The following CEMIP2 variants were observed in gnomAD, a reference collection of about 807,000 sequenced individuals.
The protein encoded by CEMIP2 is cell surface hyaluronidase CEMIP2.
In CEMIP2, 79 loss-of-function variants were observed where a neutral mutation model predicts 146.9. That is an observed-to-expected ratio of 0.54 (90% CI 0.45 to 0.65). The LOEUF (loss-of-function observed/expected upper bound fraction) is 0.65. Ranked by LOEUF, CEMIP2 falls within the 30% of genes least tolerant of loss-of-function variation. The pLI, the probability that CEMIP2 is intolerant of heterozygous loss-of-function variation, is 0.00. For missense variants in CEMIP2, 1,596 were observed against 1,696.2 expected (o/e 0.94, Z 1.04); for synonymous variants, 601 against 606.3 (o/e 0.99, Z 0.13).
Position 71,756,508 on chromosome 9 carries a change from A to T in CEMIP2, c.-12-6123T>A, listed in dbSNP as rs7865962. Among the ~76,000 whole-genome samples, 881 of 112,378 alleles carry T rather than the reference A, an allele frequency of 7.8e-3. 6 individuals are homozygous for T. Among genetic ancestry groups the T allele is most frequent in the African/African-American group, 0.02 (560 of 27,580 alleles). 73.7% of individuals were successfully genotyped at this position (112,378 alleles called of 152,430 possible). A position where few individuals can be genotyped will look rare whatever the true frequency, so the allele number is the denominator to read the frequency against. On this transcript the variant is annotated intron_variant, in intron 1 of 23. Transcript: ENST00000377044. ...CTCTCTCTCTCTCTCTCTCTCTCTC[A>T]CACACACACACACACACACACACAC... is the stretch of plus-strand genomic sequence containing the variant.
In CEMIP2 at chr9:71,685,175, G is replaced by C; in HGVS notation, c.*22C>G. ...GTTAGTTCACATTTTTTTTCCCCCA[G>C]CACTTAAGTTACAGTTAGTCTCTAA... On this transcript the variant is annotated 3_prime_UTR_variant, in exon 24 of 24. Coordinates refer to ENST00000377044, the MANE Select transcript of CEMIP2 (RefSeq NM_013390.3). 6.4e-7 allele frequency: 1 copy of C among 1,554,636 alleles called. No homozygotes were observed.
Position 71,687,760 on chromosome 9 carries a change from G to A in CEMIP2, c.3852-1914C>T, listed in dbSNP as rs1050385493. ...GTGCACGTGTAGTCCCAGCTACTTGGAAGGCTGAAGTAGGAGGGTCACTTG... is the reference window on the plus strand; with the variant it reads ...GTGCACGTGTAGTCCCAGCTACTTGAAAGGCTGAAGTAGGAGGGTCACTTG... On this transcript the variant is annotated intron_variant, in intron 22 of 23. Coordinates refer to ENST00000377044, the MANE Select transcript of CEMIP2 (RefSeq NM_013390.3). 2.0e-4 allele frequency among the ~76,000 whole-genome samples: 30 copies of A among 152,140 alleles called. 1 individual carries two copies.
intron 12 of CEMIP2, 50 bp downstream of exon 12, chr9:71,722,377 T>C: frequency 7.0e-7 from 1 of 1,432,680 alleles, no homozygotes; most frequent in African/African-American, 1.4e-5. Context: ...TTAGAAAGTT[T>C]TGCTTTGGCA....
intron 12 of CEMIP2, among the ~76,000 whole-genome samples, chr9:71,719,739 A>G (rs1259763141): frequency 6.7e-6 from 1 of 148,300 alleles, no homozygotes; most frequent in East Asian, 2.0e-4. Flanking sequence ...GCCAACATCT[A>G]CTCTCTGGCA....
Position 71,683,385 on chromosome 9 carries a change from T to C in CEMIP2, c.*1812A>G, listed in dbSNP as rs1821958307. 6.6e-6 allele frequency: 1 copy of C among 152,252 alleles called. No homozygotes were observed. Among genetic ancestry groups the C allele is most frequent in the South Asian group, 2.1e-4 (1 of 4,820 alleles). The allele number at this position is 152,252 out of a possible 1,614,324, so 9.4% of individuals were successfully genotyped here. A position where few individuals can be genotyped will look rare whatever the true frequency, so the allele number is the denominator to read the frequency against. On this transcript the variant is annotated 3_prime_UTR_variant, in exon 24 of 24. Transcript: ENST00000377044. ...CATATATAAAATACATGCACACATA[T>C]TTTTATTTAACTTAGGCCCTGATTA... is the stretch of plus-strand genomic sequence containing the variant.
At chr9:71,726,823 G>A (rs1019110961) in intron 10 of CEMIP2, among the ~76,000 whole-genome samples, 1 of 152,126 alleles carries the variant, frequency 6.6e-6, no homozygotes, top group Non-Finnish European at 1.5e-5. Context: ...CAAGTTGACG[G>A]GATAAGACCT....
At chr9:71,727,831 C>T (rs1823435629) in intron 10 of CEMIP2, among the ~76,000 whole-genome samples, 1 of 152,208 alleles carries the variant, frequency 6.6e-6, no homozygotes, top group East Asian at 1.9e-4. Flanking sequence ...GAGGCCAAGG[C>T]GGGCGGATCA....
chr9:71,759,667 G>A (rs62544885), intron 1 of CEMIP2, among the ~76,000 whole-genome samples: 9,478 of 152,272 alleles, frequency 0.062, 456 homozygotes, highest in South Asian at 0.18. Flanking sequence ...TTGACTTCTA[G>A]ATAGTTCTTT....
intron 7 of CEMIP2, among the ~76,000 whole-genome samples, chr9:71,731,622 T>A (rs1823619529): frequency 6.6e-6 from 1 of 151,982 alleles, no homozygotes; most frequent in Non-Finnish European, 1.5e-5. Context: ...TCCCAGCTAT[T>A]TGGCGGGGCT....
chr9:71,741,828 T>G (rs1823929697), intron 4 of CEMIP2, among the ~76,000 whole-genome samples: 1 of 151,982 alleles, frequency 6.6e-6, no homozygotes, highest in South Asian at 2.1e-4. Context: ...TAATTTTTAG[T>G]AGAGACAGGG....
Position 71,684,893 on chromosome 9 carries a change from T to C in CEMIP2, c.*304A>G, listed in dbSNP as rs1307968734. The C allele has an allele frequency of 3.4e-5, 9 of 266,720 alleles. No homozygotes were observed. Among genetic ancestry groups the C allele is most frequent in the Non-Finnish European group, 3.5e-5 (5 of 143,052 alleles). The allele number at this position is 266,720 out of a possible 1,614,324, so 16.5% of individuals were successfully genotyped here. On this transcript the variant is annotated 3_prime_UTR_variant, in exon 24 of 24. Transcript: ENST00000377044. Reference sequence around the variant, plus strand: ...GCCCCCACTCCACCCCACCCCATTATACAAAAAGTAAAAACATTGCTCATG... The same window carrying C: ...GCCCCCACTCCACCCCACCCCATTACACAAAAAGTAAAAACATTGCTCATG...
At chr9:71,757,602 C>T (rs937579454) in intron 1 of CEMIP2, among the ~76,000 whole-genome samples, 2 of 152,154 alleles carry the variant, frequency 1.3e-5, no homozygotes, top group Admixed American at 6.5e-5. Flanking sequence ...ATTATTTGTA[C>T]TTTTGACCTA....
chr9:71,733,071 T>C (rs1285494223), intron 6 of CEMIP2, among the ~76,000 whole-genome samples: 3 of 152,152 alleles, frequency 2.0e-5, no homozygotes, highest in Non-Finnish European at 4.4e-5. Flanking sequence ...AAGAACCAAA[T>C]GCATAGTGAG....
chr9:71,729,976 C>T lies in CEMIP2; in HGVS notation c.1980-62G>A. The T allele has an allele frequency of 5.6e-6, 9 of 1,613,092 alleles. No homozygotes were observed. The East Asian group carries it at 1.8e-4, about 32-fold the overall frequency. ...CATAAAAACTCCTGCCCACTAAAAA[C>T]TTCCCCCAAAACCTCTTCCCCAAAA... On this transcript the variant is annotated intron_variant, in intron 9 of 23. Transcript: ENST00000377044.
At chr9:71,767,790 C>G (rs934465060) in intron 1 of CEMIP2, among the ~76,000 whole-genome samples, 1 of 152,174 alleles carries the variant, frequency 6.6e-6, no homozygotes, top group Non-Finnish European at 1.5e-5. Context: ...TAAAGCCTCA[C>G]CTTACCTCAG....
At chr9:71,704,350 C>G (rs367601615) in intron 18 of CEMIP2, 7 of 517,732 alleles carry the variant, frequency 1.4e-5, no homozygotes, top group African/African-American at 7.7e-5. Context: ...TAAAACCTAT[C>G]GTTGAATGGC....
chr9:71,722,351 G>A (rs1823256692), intron 12 of CEMIP2, 76 bp downstream of exon 12: 2 of 1,118,502 alleles, frequency 1.8e-6, no homozygotes, highest in African/African-American at 1.6e-5. Flanking sequence ...CACAGAAAGA[G>A]CACAATAAAC....
chr9:71,740,297 G>C (rs1006050941), intron 4 of CEMIP2, 65 bp from the exon 5 acceptor site: 10 of 1,569,250 alleles, frequency 6.4e-6, no homozygotes, highest in Non-Finnish European at 8.7e-6. Context: ...CCCTGACAAA[G>C]ATGTTATTAC....
At chr9:71,691,970 A>G (rs1212492686) in intron 21 of CEMIP2, among the ~76,000 whole-genome samples, 3 of 152,084 alleles carry the variant, frequency 2.0e-5, no homozygotes, top group South Asian at 2.1e-4. Flanking sequence ...TTAGCTGGGC[A>G]TGGTGCCTAG....
Sources: allele counts gnomAD v4.1 joint callset (sites outside exome capture counted in the v4.1 genomes callset), GRCh38; gene constraint gnomAD v4.1.1; transcripts MANE v1.5; gene names NCBI Gene and HGNC (gene_info 2026-07-23, HGNC 2026-07-21).